Variants in TIAM1 observed in about 807,000 individuals in gnomAD.
TIAM1 encodes the protein rho guanine nucleotide exchange factor TIAM1.
A neutral mutation model predicts 163.5 loss-of-function variants in TIAM1; 65 were observed. The observed-to-expected ratio is 0.40, with a 90% confidence interval of 0.33 to 0.49. TIAM1 has a LOEUF of 0.49. Among genes scored for constraint, TIAM1 ranks in the 20% least tolerant of loss-of-function variants. The pLI is 0.77. For missense variants in TIAM1, 1,789 were observed against 2,044.7 expected, an observed-to-expected ratio of 0.87 and a Z score of 2.41; for synonymous variants, 833 against 810.1, an observed-to-expected ratio of 1.03 and a Z score of -0.48.
At chr21:31,402,254 G>A (rs1446288889) in intron 2 of TIAM1, among the ~76,000 whole-genome samples, 1 of 151,974 alleles carries the variant, frequency 6.6e-6, no homozygotes, top group African/African-American at 2.4e-5. Context: ...GAGACACTGT[G>A]AGACTAAGAC....
intron 2 of TIAM1, among the ~76,000 whole-genome samples, chr21:31,320,513 C>CA (rs565054744): frequency 1.3e-3 from 199 of 152,160 alleles, no homozygotes; most frequent in African/African-American, 4.3e-3. Context: ...CACAACATTA[C>CA]AAAAAATAAT....
intron 10 of TIAM1, among the ~76,000 whole-genome samples, chr21:31,210,861 C>T (rs985707220): frequency 6.6e-6 from 1 of 152,042 alleles, no homozygotes; most frequent in Non-Finnish European, 1.5e-5. Context: ...TCCACAAACT[C>T]ATTTCAAGTT....
chr21:31,243,620 A>G (rs2071340189), intron 6 of TIAM1, among the ~76,000 whole-genome samples: 1 of 152,176 alleles, frequency 6.6e-6, no homozygotes, highest in Non-Finnish European at 1.5e-5. Context: ...ACCCACAACA[A>G]TTTTTAAAAT....
intron 2 of TIAM1, among the ~76,000 whole-genome samples, chr21:31,354,305 C>A (rs927036957): frequency 2.0e-5 from 3 of 152,128 alleles, no homozygotes; most frequent in Non-Finnish European, 4.4e-5. Context: ...TGTCATGAAG[C>A]TCCTGGAAGT....
At chr21:31,166,302 T>C (rs1403439583) in intron 15 of TIAM1, among the ~76,000 whole-genome samples, 1 of 152,150 alleles carries the variant, frequency 6.6e-6, no homozygotes, top group African/African-American at 2.4e-5. Context: ...GCACTATCAA[T>C]ATAACCAGAC....
intron 1 of TIAM1, among the ~76,000 whole-genome samples, chr21:31,476,526 T>C (rs1330517084): frequency 6.6e-6 from 1 of 152,204 alleles, no homozygotes; most frequent in Non-Finnish European, 1.5e-5. Context: ...ACAGATTCAC[T>C]AATAGGGGCC....
Position 31,156,345 on chromosome 21 carries a change from T to C in TIAM1, c.2992-1919A>G, listed in dbSNP as rs573267989. ...GTCACCTGTCAGTGGCACTATTCAA[T>C]GTTTTCTGTGGAAATGCATGTTTCT... On this transcript the variant is annotated intron_variant, in intron 16 of 27. Coordinates refer to ENST00000541036, the MANE Select transcript of TIAM1 (RefSeq NM_001353694.2). Among the ~76,000 whole-genome samples the C allele has an allele frequency of 3.9e-5, 6 of 152,280 alleles. No individual in the cohort carries two copies. In the East Asian group the frequency reaches 7.7e-4, roughly 20 times the overall value.
At chr21:31,365,612 C>T (rs889422590) in intron 2 of TIAM1, among the ~76,000 whole-genome samples, 3 of 151,472 alleles carry the variant, frequency 2.0e-5, no homozygotes, top group Non-Finnish European at 4.4e-5. Flanking sequence ...AGGATGGTCT[C>T]GATCTCCTGA....
chr21:31,369,888 G>A (rs1431305244), intron 2 of TIAM1, among the ~76,000 whole-genome samples: 1 of 152,138 alleles, frequency 6.6e-6, no homozygotes, highest in Non-Finnish European at 1.5e-5. Context: ...AGGAGGCTGA[G>A]GCAGGAGACT....
At chr21:31,238,810 T>TAAAAG (rs1329949336) in intron 6 of TIAM1, among the ~76,000 whole-genome samples, 1 of 152,192 alleles carries the variant, frequency 6.6e-6, no homozygotes, top group African/African-American at 2.4e-5. Context: ...ACTCAGACAA[T>TAAAAG]AAAAGGCTTT....
At position 31,356,005 on chromosome 21, in the gene TIAM1, C is replaced by A. The variant is rs571208174; in HGVS notation, c.-368-16583G>T. On this transcript the variant is annotated intron_variant, in intron 2 of 28. Transcript: ENST00000286827. ...CAAGTGCCTAGAAGAGGGCTTCATA[C>A]GTGGTAGACTCTCAACAAATATTGC... 2.0e-5 allele frequency among the ~76,000 whole-genome samples: 3 copies of A among 152,244 alleles called. No homozygotes were observed. In the South Asian group the frequency reaches 6.2e-4, roughly 32 times the overall value.
intron 2 of TIAM1, among the ~76,000 whole-genome samples, chr21:31,297,567 G>A (rs942221422): frequency 1.3e-5 from 2 of 152,072 alleles, no homozygotes; most frequent in Non-Finnish European, 2.9e-5. Flanking sequence ...GCTAATTTTT[G>A]TATTTTAGGT....
chr21:31,337,329 CT>C (rs2075873008), intron 2 of TIAM1, among the ~76,000 whole-genome samples: 1 of 151,926 alleles, frequency 6.6e-6, no homozygotes, highest in Non-Finnish European at 1.5e-5. Flanking sequence ...GGTATAGAGA[CT>C]ACCAGGTAGT....
chr21:31,448,347 G>GT (rs2044703479), intron 2 of TIAM1, among the ~76,000 whole-genome samples: 1 of 152,178 alleles, frequency 6.6e-6, no homozygotes, highest in African/African-American at 2.4e-5. Context: ...GCTCATGCCT[G>GT]TAATCCCAGT....
chr21:31,145,964 A>T (rs1005107654), intron 20 of TIAM1, among the ~76,000 whole-genome samples: 1 of 152,144 alleles, frequency 6.6e-6, no homozygotes, highest in African/African-American at 2.4e-5. Flanking sequence ...GTTTCCAAGA[A>T]CCTGTCGACA....
chr21:31,341,701 A>G (rs1417287749), intron 1 of TIAM1, among the ~76,000 whole-genome samples: 1 of 152,222 alleles, frequency 6.6e-6, no homozygotes, highest in Non-Finnish European at 1.5e-5. Context: ...AACTGAAAAA[A>G]CATAATCTAT....
At chr21:31,479,880 T>G (rs974884396) in intron 1 of TIAM1, among the ~76,000 whole-genome samples, 2 of 151,970 alleles carry the variant, frequency 1.3e-5, no homozygotes, top group Admixed American at 1.3e-4. Context: ...GAAAAGCCAT[T>G]CCCGGCGTCT....
intron 2 of TIAM1, among the ~76,000 whole-genome samples, chr21:31,295,680 T>C (rs577730952): frequency 7.9e-5 from 12 of 152,206 alleles, no homozygotes; most frequent in African/African-American, 1.7e-4. Context: ...GGAATACCAA[T>C]TGCCACAGGA....
intron 2 of TIAM1, among the ~76,000 whole-genome samples, chr21:31,404,416 TAC>T (rs2077213653): frequency 6.6e-6 from 1 of 152,164 alleles, no homozygotes; most frequent in African/African-American, 2.4e-5. Context: ...CAACATTTAT[TAC>T]AGTCTTAGAC....
Sources: gnomAD v4.1 joint callset for allele counts (sites outside exome capture counted in the v4.1 genomes callset) on GRCh38, gnomAD v4.1.1 for gene constraint, MANE v1.5 for transcripts, NCBI Gene and HGNC (gene_info 2026-07-23, HGNC 2026-07-21) for gene names.